The following CEP128 variants were observed in gnomAD, a reference collection of about 807,000 sequenced individuals.
CEP128 encodes centrosomal protein 128kDa.
CEP128 carries 132 observed loss-of-function variants against 156.7 expected under a neutral mutation model. The ratio of observed to expected loss-of-function variants is 0.84; its 90% CI spans 0.73 to 0.97. CEP128 has a LOEUF of 0.97. Among genes scored for constraint, CEP128 ranks in the 50% least tolerant of loss-of-function variants. The pLI is 0.00. For missense variants in CEP128, 1,252 were observed against 1,281.9 expected (o/e 0.98, Z 0.36); for synonymous variants, 469 against 448.9 (o/e 1.04, Z -0.57).
At chr14:80,956,492 T>C (rs548936878) in intron 2 of CEP128, among the ~76,000 whole-genome samples, 3 of 152,322 alleles carry the variant, frequency 2.0e-5, no homozygotes, top group Admixed American at 1.3e-4. Context: ...GCATGTTAAA[T>C]GTTACCAGAT....
intron 2 of CEP128, among the ~76,000 whole-genome samples, chr14:80,933,105 G>C (rs1885563371): frequency 6.6e-6 from 1 of 152,062 alleles, no homozygotes; most frequent in African/African-American, 2.4e-5. Context: ...GATTCTTACT[G>C]AATCTGACAG....
At chr14:80,787,931 C>T (rs1901497342) in intron 14 of CEP128, among the ~76,000 whole-genome samples, 1 of 152,166 alleles carries the variant, frequency 6.6e-6, no homozygotes, top group African/African-American at 2.4e-5. Flanking sequence ...AGCTCAGGCT[C>T]TGCTACTCTA....
intron 23 of CEP128, among the ~76,000 whole-genome samples, chr14:80,517,884 G>A (rs565897475): frequency 3.0e-4 from 46 of 152,148 alleles, no homozygotes; most frequent in Admixed American, 5.2e-4. Context: ...ATCCTGACTG[G>A]GAGTGGCAAT....
At chr14:80,937,405 A>T (rs967213505) in intron 2 of CEP128, among the ~76,000 whole-genome samples, 27 of 152,262 alleles carry the variant, frequency 1.8e-4, no homozygotes, top group Non-Finnish European at 3.5e-4. Flanking sequence ...ATTTATATAT[A>T]TTTTATGTAT....
At chr14:80,864,466 TCAATATC>T (rs1887672078) in intron 8 of CEP128, among the ~76,000 whole-genome samples, 1 of 152,126 alleles carries the variant, frequency 6.6e-6, no homozygotes, top group South Asian at 2.1e-4. Context: ...CATACTGAAA[TCAATATC>T]CAAAATTATT....
intron 19 of CEP128, among the ~76,000 whole-genome samples, chr14:80,636,313 C>T (rs762770773): frequency 3.9e-5 from 6 of 152,284 alleles, no homozygotes; most frequent in South Asian, 2.1e-4. Context: ...TCATTCCCTG[C>T]GCTCACTCAA....
chr14:80,933,900 A>G (rs1237800426), intron 2 of CEP128, among the ~76,000 whole-genome samples: 1 of 152,238 alleles, frequency 6.6e-6, no homozygotes, highest in Admixed American at 6.5e-5. Context: ...GAAAGAGATT[A>G]GTAGCTAGAA....
At chr14:80,829,161 A>G (rs1412378771) in intron 13 of CEP128, among the ~76,000 whole-genome samples, 5 of 152,200 alleles carry the variant, frequency 3.3e-5, no homozygotes, top group African/African-American at 1.2e-4. Context: ...TAGTTCTTTT[A>G]TGAAAAATAA....
chr14:80,919,549 C>G (rs1884738261), intron 2 of CEP128, among the ~76,000 whole-genome samples: 1 of 152,134 alleles, frequency 6.6e-6, no homozygotes, highest in African/African-American at 2.4e-5. Flanking sequence ...GTATAACTCT[C>G]CAGGCTATGT....
rs1566629685 is a variant in CEP128, at chr14:80,792,844, C to T, written c.1476G>A (p.Gln492=). 1.9e-6 allele frequency: 3 copies of T among 1,614,082 alleles called. No homozygotes were observed. The change falls in exon 14 of 25, where the codon CAG becomes CAA. Residue 492 remains glutamine, a synonymous_variant. Transcript: ENST00000555265. ...LKLKAQESIR[Q]WKLKHKKLER... ...CTAACTTCTTATGCTTAAGCTTCCA[C>T]TGCCTAATGGATTCTTGAGCTTTCA...
intron 16 of CEP128, among the ~76,000 whole-genome samples, chr14:80,772,907 T>C (rs1392727519): frequency 6.6e-6 from 1 of 152,150 alleles, no homozygotes; most frequent in Non-Finnish European, 1.5e-5. Flanking sequence ...AATACGTAGA[T>C]TTTTCAGGGG....
At chr14:80,920,779 T>C (rs1421524414) in intron 2 of CEP128, among the ~76,000 whole-genome samples, 3 of 152,218 alleles carry the variant, frequency 2.0e-5, no homozygotes, top group African/African-American at 7.2e-5. Flanking sequence ...TGGTAATGTC[T>C]ATGGTTAGCG....
intron 6 of CEP128, among the ~76,000 whole-genome samples, chr14:80,901,079 G>A (rs912025542): frequency 3.9e-5 from 6 of 152,022 alleles, no homozygotes; most frequent in Admixed American, 2.6e-4. Flanking sequence ...GGTAGCGGGC[G>A]CCTGTAGTCC....
At chr14:80,497,756 G>A (rs1887555035) in intron 24 of CEP128, among the ~76,000 whole-genome samples, 174 bp from the exon 25 acceptor site, 1 of 152,038 alleles carries the variant, frequency 6.6e-6, no homozygotes, top group African/African-American at 2.4e-5. Flanking sequence ...CTCAATTTAT[G>A]ACATTTAAAA....
At chr14:80,653,735 T>TA (rs1895012362) in intron 19 of CEP128, among the ~76,000 whole-genome samples, 1 of 152,066 alleles carries the variant, frequency 6.6e-6, no homozygotes, top group East Asian at 1.9e-4. Flanking sequence ...GTCTATAAAT[T>TA]AAAAAACAAA....
At chr14:80,815,298 A>C (rs1279975619) in intron 13 of CEP128, among the ~76,000 whole-genome samples, 1 of 152,234 alleles carries the variant, frequency 6.6e-6, no homozygotes, top group Non-Finnish European at 1.5e-5. Context: ...TACATGGCCA[A>C]CAAGCATATG....
At chr14:80,637,878 T>C (rs1595130993) in intron 19 of CEP128, among the ~76,000 whole-genome samples, 1 of 152,138 alleles carries the variant, frequency 6.6e-6, no homozygotes, top group Non-Finnish European at 1.5e-5. Context: ...TATGTAGACG[T>C]GGCCACAAGT....
intron 15 of CEP128, among the ~76,000 whole-genome samples, chr14:80,781,435 G>A (rs947137770): frequency 2.4e-5 from 3 of 126,984 alleles, no homozygotes; most frequent in African/African-American, 9.0e-5. Context: ...CCAGCCTGGT[G>A]ACAGAGCGAG....
At chr14:80,925,379 T>C (rs931278983) in intron 2 of CEP128, among the ~76,000 whole-genome samples, 2 of 151,928 alleles carry the variant, frequency 1.3e-5, no homozygotes, top group African/African-American at 4.8e-5. Context: ...CTAGGGGAAA[T>C]TGTACAACAG....
Sources: allele counts gnomAD v4.1 joint callset (sites outside exome capture counted in the v4.1 genomes callset), GRCh38; gene constraint gnomAD v4.1.1; transcripts MANE v1.5; gene names NCBI Gene and HGNC (gene_info 2026-07-23, HGNC 2026-07-21).